The following LRBA variants were observed in gnomAD, a reference collection of about 807,000 sequenced individuals.
The protein encoded by LRBA is lipopolysaccharide-responsive and beige-like anchor protein.
A neutral mutation model predicts 330.0 loss-of-function variants in LRBA; 176 were observed. That is an observed-to-expected ratio of 0.53 (90% confidence interval 0.47 to 0.60). The LOEUF (loss-of-function observed/expected upper bound fraction) is 0.60. LRBA is among the 20% of genes least tolerant of loss of function. LRBA has a pLI of 0.00. For synonymous variants in LRBA, 1,230 were observed against 1,193.0 expected (o/e 1.03, Z -0.64); for missense variants, 3,259 against 3,444.8 (o/e 0.95, Z 1.35).
At chr4:150,881,202 C>T (rs1728343177) in intron 17 of LRBA, among the ~76,000 whole-genome samples, 1 of 152,136 alleles carries the variant, frequency 6.6e-6, no homozygotes, top group African/African-American at 2.4e-5. Context: ...ATTCTACCAA[C>T]AACACATGCA....
chr4:150,705,809 TA>T (rs1395242685), intron 36 of LRBA, among the ~76,000 whole-genome samples: 1 of 151,916 alleles, frequency 6.6e-6, no homozygotes, highest in African/African-American at 2.4e-5. Context: ...ATAAAGCATA[TA>T]TATATACTTC....
chr4:150,645,341 G>T lies in LRBA; in HGVS notation c.5921+38210C>A, dbSNP rs184387740. On this transcript the variant is annotated intron_variant, in intron 37 of 56. Transcript: ENST00000651943. The stretch of plus-strand genomic sequence containing the variant: ...ACAAGGCAAAACAGCCCATATATGG[G>T]AAATTTACACTGCAGTAAAGTCATT... Among the ~76,000 whole-genome samples the T allele has an allele frequency of 2.0e-5, 3 of 151,614 alleles. No individual in the cohort carries two copies. The East Asian group carries it at 5.8e-4, about 29-fold the overall frequency.
chr4:150,629,846 C>A (rs1561444689), intron 37 of LRBA, among the ~76,000 whole-genome samples: 1 of 151,976 alleles, frequency 6.6e-6, no homozygotes, highest in African/African-American at 2.4e-5. Context: ...TGGTGGGCAC[C>A]TGTAATCCCA....
chr4:150,294,768 G>A (rs1728752308), intron 53 of LRBA, among the ~76,000 whole-genome samples: 1 of 152,152 alleles, frequency 6.6e-6, no homozygotes, highest in South Asian at 2.1e-4. Context: ...TGGCCAACAT[G>A]GTGAAACCCT....
intron 35 of LRBA, among the ~76,000 whole-genome samples, chr4:150,752,561 G>A (rs1232080332): frequency 1.3e-5 from 2 of 152,046 alleles, no homozygotes; most frequent in Non-Finnish European, 1.5e-5. Context: ...AGCCCAGGTA[G>A]TAGCCACTTT....
intron 48 of LRBA, among the ~76,000 whole-genome samples, chr4:150,333,002 A>G (rs1159204315): frequency 1.3e-5 from 2 of 152,160 alleles, no homozygotes; most frequent in Non-Finnish European, 2.9e-5. Context: ...TATATATAGA[A>G]AAAGAGACAA....
In LRBA at chr4:150,867,699, A is replaced by T. The variant is rs1206948234; in HGVS notation, c.2738T>A (p.Val913Glu). The T allele has an allele frequency of 2.5e-6, 4 of 1,613,074 alleles. No homozygotes were observed. The highest frequency in any genetic ancestry group is 3.4e-6 in the Non-Finnish European group (4 of 1,179,562). Residue 913 changes from valine to glutamate, a missense_variant, in exon 22 of 57, where the codon GTA becomes GAA. Transcript: ENST00000651943. ...TGAATGAGTGATTGATAAAGTGTCT[A>T]CCCATACACGCCAGCCACCCCACTC... is the stretch of plus-strand genomic sequence containing the variant. The part of the protein sequence containing the change: ...KYEWGGWRVW[V>E]DTLSITHSKV...
chr4:150,287,578 G>A (rs565214820), intron 53 of LRBA, among the ~76,000 whole-genome samples: 13 of 152,282 alleles, frequency 8.5e-5, no homozygotes, highest in South Asian at 6.2e-4. Flanking sequence ...CATAATGCAC[G>A]GCCATGTCCC....
intron 40 of LRBA, among the ~76,000 whole-genome samples, chr4:150,550,742 T>C (rs1183207989): frequency 6.6e-6 from 1 of 152,212 alleles, no homozygotes; most frequent in Non-Finnish European, 1.5e-5. Context: ...TCATAATAAA[T>C]CACTGTTTTT....
At chr4:150,694,462 C>CAAAAAAAAAAAAAA (rs58558446) in intron 36 of LRBA, among the ~76,000 whole-genome samples, 1,865 of 70,732 alleles carry the variant, frequency 0.026, 473 homozygotes, top group African/African-American at 0.039. Context: ...TGATCTTTAA[C>CAAAAAAAAAAAAAA]AAAAAAAAAA....
intron 40 of LRBA, among the ~76,000 whole-genome samples, chr4:150,500,844 G>A (rs28643547): frequency 0.083 from 12,667 of 152,186 alleles, 925 homozygotes; most frequent in African/African-American, 0.19. Flanking sequence ...TAGGAACATA[G>A]AACTTGATGC....
intron 36 of LRBA, among the ~76,000 whole-genome samples, chr4:150,687,950 T>C (rs1018592047): frequency 1.5e-4 from 23 of 152,102 alleles, no homozygotes; most frequent in African/African-American, 4.8e-4. Context: ...TAGAAAAAAC[T>C]ACTTTAAATT....
chr4:150,921,730 T>A (rs1389819590), intron 4 of LRBA, among the ~76,000 whole-genome samples: 1 of 151,268 alleles, frequency 6.6e-6, no homozygotes, highest in African/African-American at 2.4e-5. Flanking sequence ...ACCCAGCTAA[T>A]TTTTTTTTCT....
At chr4:150,510,413 T>G (rs1761693057) in intron 40 of LRBA, among the ~76,000 whole-genome samples, 1 of 152,112 alleles carries the variant, frequency 6.6e-6, no homozygotes, top group Admixed American at 6.5e-5. Flanking sequence ...ACAAACACAG[T>G]ATAAGTAAAA....
chr4:150,431,392 C>T (rs1191202973), intron 46 of LRBA, among the ~76,000 whole-genome samples: 1 of 152,190 alleles, frequency 6.6e-6, no homozygotes, highest in Non-Finnish European at 1.5e-5. Context: ...TAAGCCCAAA[C>T]TATCCCTTGA....
At chr4:150,709,923 G>A (rs1786011545) in intron 36 of LRBA, among the ~76,000 whole-genome samples, 1 of 151,796 alleles carries the variant, frequency 6.6e-6, no homozygotes, top group East Asian at 1.9e-4. Context: ...TTGTGACTAG[G>A]AGCAAAGGTA....
At chr4:150,862,827 A>C (rs1391829914) in intron 22 of LRBA, among the ~76,000 whole-genome samples, 1 of 151,932 alleles carries the variant, frequency 6.6e-6, no homozygotes. Context: ...AAATACAAAA[A>C]AATTAGCTGA....
chr4:150,309,304 G>C (rs1211528537), intron 52 of LRBA, among the ~76,000 whole-genome samples: 1 of 152,012 alleles, frequency 6.6e-6, no homozygotes, highest in Non-Finnish European at 1.5e-5. Context: ...ACCCCATATA[G>C]CCTAGGTGTA....
intron 48 of LRBA, among the ~76,000 whole-genome samples, chr4:150,340,352 G>C (rs562435253): frequency 6.6e-6 from 1 of 152,242 alleles, no homozygotes; most frequent in South Asian, 2.1e-4. Context: ...TTGCTATAAA[G>C]ATTCAACCTA....
Sources: allele counts gnomAD v4.1 joint callset (sites outside exome capture counted in the v4.1 genomes callset), GRCh38; gene constraint gnomAD v4.1.1; transcripts MANE v1.5; gene names NCBI Gene and HGNC (gene_info 2026-07-23, HGNC 2026-07-21).